SORBS2: variants seen among roughly 807,000 people sequenced by gnomAD.
The protein encoded by SORBS2 is sorbin and SH3 domain-containing protein 2.
SORBS2 carries 46 observed loss-of-function variants against 97.7 expected under a neutral mutation model. That is an observed-to-expected ratio of 0.47 (90% confidence interval 0.37 to 0.60). The LOEUF (loss-of-function observed/expected upper bound fraction) is 0.60. Among genes scored for constraint, SORBS2 ranks in the 20% least tolerant of loss-of-function variants. SORBS2 has a pLI of 0.00. For missense variants in SORBS2, 1,316 were observed against 1,282.3 expected (o/e 1.03, Z -0.40); for synonymous variants, 476 against 473.4 (o/e 1.01, Z -0.07).
intron 1 of SORBS2, among the ~76,000 whole-genome samples, chr4:185,939,026 T>A (rs2099270517): frequency 3.9e-5 from 6 of 152,230 alleles, no homozygotes; most frequent in Admixed American, 3.9e-4. Context: ...TAAATACTCC[T>A]GTTCTCTCTC....
At chr4:185,864,706 T>A (rs2099225807) in intron 1 of SORBS2, among the ~76,000 whole-genome samples, 1 of 151,652 alleles carries the variant, frequency 6.6e-6, no homozygotes, top group South Asian at 2.1e-4. Context: ...AGGTCAGGAG[T>A]TCGAGACCAG....
chr4:185,604,528 G>A (rs2153386803), intron 12 of SORBS2, among the ~76,000 whole-genome samples: 1 of 152,268 alleles, frequency 6.6e-6, no homozygotes, highest in South Asian at 2.1e-4. Context: ...AAATGACGGA[G>A]GCTTAAATAT....
intron 1 of SORBS2, among the ~76,000 whole-genome samples, chr4:185,801,119 T>G (rs535855117): frequency 6.6e-6 from 1 of 152,332 alleles, no homozygotes; most frequent in Non-Finnish European, 1.5e-5. Flanking sequence ...CACATATAAG[T>G]GAGATTGTAC....
chr4:185,749,599 C>A (rs2098787397), intron 2 of SORBS2, among the ~76,000 whole-genome samples: 1 of 152,156 alleles, frequency 6.6e-6, no homozygotes. Flanking sequence ...GGTATATGGA[C>A]TTTTAGACCA....
In SORBS2 at chr4:185,869,366, A is replaced by T. The variant is rs565308776; in HGVS notation, c.-338+86830T>A. 5.3e-5 allele frequency among the ~76,000 whole-genome samples: 8 copies of T among 152,290 alleles called. No homozygotes were observed. The East Asian group carries it at 1.4e-3, about 26-fold the overall frequency. The stretch of plus-strand genomic sequence containing the variant: ...ACAAATACAAGGTTTATTTTTTTCT[A>T]CTGAAAACAGTAGATATAGGCAGAT... On this transcript the variant is annotated intron_variant, in intron 1 of 20. Coordinates refer to the SORBS2 transcript ENST00000284776.
intron 1 of SORBS2, among the ~76,000 whole-genome samples, chr4:185,813,600 C>A (rs897647226): frequency 1.3e-5 from 2 of 152,336 alleles, no homozygotes; most frequent in East Asian, 3.9e-4. Flanking sequence ...TCACTGCCCA[C>A]GTTTCAGAAT....
intron 12 of SORBS2, among the ~76,000 whole-genome samples, chr4:185,600,442 G>A (rs975434369): frequency 1.3e-5 from 2 of 152,132 alleles, no homozygotes; most frequent in Non-Finnish European, 1.5e-5. Context: ...GGGTTCGAGC[G>A]ATTCTCTTGT....
intron 2 of SORBS2, among the ~76,000 whole-genome samples, chr4:185,696,694 G>A (rs772312462): frequency 4.3e-4 from 66 of 152,124 alleles, no homozygotes; most frequent in Non-Finnish European, 7.9e-4. Flanking sequence ...CACCCGCCTC[G>A]GCCTCCCAAA....
At chr4:185,634,450 T>C (rs1317972254) in intron 4 of SORBS2, among the ~76,000 whole-genome samples, 1 of 152,126 alleles carries the variant, frequency 6.6e-6, no homozygotes, top group Non-Finnish European at 1.5e-5. Flanking sequence ...CCATGCTAGT[T>C]GCTTCTAAGA....
intron 1 of SORBS2, among the ~76,000 whole-genome samples, chr4:185,854,700 A>G (rs575069229): frequency 1.4e-4 from 21 of 152,276 alleles, no homozygotes; most frequent in African/African-American, 5.1e-4. Context: ...TTAATGGGAA[A>G]GATGCCCAAC....
chr4:185,719,849 A>G (rs993984386), intron 2 of SORBS2, among the ~76,000 whole-genome samples: 4 of 152,332 alleles, frequency 2.6e-5, no homozygotes, highest in South Asian at 2.1e-4. Flanking sequence ...GTCCTCTTGC[A>G]CCCAGTCCCT....
rs148535743 is a variant in SORBS2 at position 185,941,961 on chromosome 4, C to G, written c.-338+14235G>C. ...TGAAACCCCATCTCTACTAAAAATA[C>G]AAAAATTTGCCAGGTGTGGTTGTGC... On this transcript the variant is annotated intron_variant, in intron 1 of 20. Coordinates refer to the SORBS2 transcript ENST00000284776. Among the ~76,000 whole-genome samples the G allele has an allele frequency of 3.6e-3, 554 of 152,088 alleles. 3 individuals carry two copies. Among genetic ancestry groups the G allele is most frequent in the Non-Finnish European group, 6.2e-3 (422 of 67,994 alleles).
chr4:185,850,246 A>T (rs919862584), intron 1 of SORBS2, among the ~76,000 whole-genome samples: 1 of 152,210 alleles, frequency 6.6e-6, no homozygotes, highest in Non-Finnish European at 1.5e-5. Context: ...TACAATTGGT[A>T]ATGACTGAGT....
chr4:185,678,874 A>AAT, intron 2 of SORBS2, 52 bp from the exon 6 acceptor site: 1 of 1,126,794 alleles, frequency 8.9e-7, no homozygotes, highest in Non-Finnish European at 1.2e-6. Context: ...TAAATGAACA[A>AAT]CCCAGTAAAA....
chr4:185,753,703 A>C (rs2098814182), intron 2 of SORBS2, among the ~76,000 whole-genome samples: 2 of 152,236 alleles, frequency 1.3e-5, no homozygotes, highest in Non-Finnish European at 2.9e-5. Context: ...CATGTAATTT[A>C]AATGCTTTTA....
At chr4:185,659,167 T>C (rs1451976528), upstream of SORBS2, among the ~76,000 whole-genome samples, 1 of 152,202 alleles carries the variant, frequency 6.6e-6, no homozygotes, top group Non-Finnish European at 1.5e-5. Context: ...AATACATTTT[T>C]TGATGAAGAA....
At chr4:185,827,750 CCAT>C (rs2099202258) in intron 1 of SORBS2, among the ~76,000 whole-genome samples, 2 of 36,060 alleles carry the variant, frequency 5.5e-5, no homozygotes, top group African/African-American at 1.1e-4. Flanking sequence ...ACCATCATCA[CCAT>C]CATCACCATC....
chr4:185,599,960 G>A (rs1011169379), intron 12 of SORBS2, among the ~76,000 whole-genome samples: 1 of 152,180 alleles, frequency 6.6e-6, no homozygotes, highest in East Asian at 1.9e-4. Context: ...TGTGGGAACC[G>A]CTGAGCCCTC....
intron 1 of SORBS2, among the ~76,000 whole-genome samples, chr4:185,794,117 T>C (rs770903656): frequency 6.6e-6 from 1 of 152,246 alleles, no homozygotes; most frequent in Non-Finnish European, 1.5e-5. Flanking sequence ...CTTTTAAAAC[T>C]AAGTGACCAA....
Sources: gnomAD v4.1 joint callset for allele counts (sites outside exome capture counted in the v4.1 genomes callset) on GRCh38, gnomAD v4.1.1 for gene constraint, MANE v1.5 for transcripts, NCBI Gene and HGNC (gene_info 2026-07-23, HGNC 2026-07-21) for gene names.